TRMO: variants seen among roughly 807,000 people sequenced by gnomAD.
TRMO encodes tRNA methyltransferase O.
TRMO carries 30 observed loss-of-function variants against 37.2 expected under a neutral mutation model. That is an observed-to-expected ratio of 0.81 (90% CI 0.60 to 1.09). The LOEUF (loss-of-function observed/expected upper bound fraction) is 1.09. Among genes scored for constraint, TRMO ranks in the 50% least tolerant of loss-of-function variants. The pLI is 0.00. For synonymous variants in TRMO, 239 were observed against 199.4 expected, an observed-to-expected ratio of 1.20 and a Z score of -1.67; for missense variants, 552 against 549.5, an observed-to-expected ratio of 1.00 and a Z score of -0.05.
intron 1 of TRMO, among the ~76,000 whole-genome samples, chr9:97,917,845 A>ATTTT (rs112794003): frequency 5.2e-5 from 7 of 134,288 alleles, no homozygotes; most frequent in African/African-American, 1.9e-4. Context: ...TGCCCATCTA[A>ATTTT]TTTTTTTTTT....
chr9:97,915,811 TAAA>T, intron 2 of TRMO: 1 of 163,340 alleles, frequency 6.1e-6, no homozygotes, highest in Non-Finnish European at 1.3e-5. Context: ...TAAAAAAAAA[TAAA>T]AAAGCCATGC....
chr9:97,908,763 A>G (rs2131520831), intron 4 of TRMO, among the ~76,000 whole-genome samples: 1 of 152,332 alleles, frequency 6.6e-6, no homozygotes, highest in East Asian at 1.9e-4. Context: ...AAGCTCCATG[A>G]CAGCAGGGGT....
At chr9:97,902,705 ATTG>A (rs1241592927), downstream of TRMO, among the ~76,000 whole-genome samples, 1 of 152,246 alleles carries the variant, frequency 6.6e-6, no homozygotes, top group African/African-American at 2.4e-5. Context: ...CCCCAGAGTC[ATTG>A]TTAACATATT....
intron 4 of TRMO, among the ~76,000 whole-genome samples, chr9:97,905,197 G>C (rs1203349685): frequency 1.3e-5 from 2 of 152,054 alleles, no homozygotes; most frequent in Non-Finnish European, 2.9e-5. Context: ...CCAAATTTTT[G>C]TTTTACTGGA....
chr9:97,921,827 G>A (rs995767214), intron 1 of TRMO, among the ~76,000 whole-genome samples: 3 of 152,104 alleles, frequency 2.0e-5, no homozygotes, highest in Non-Finnish European at 4.4e-5. Context: ...AAGTGTGTAT[G>A]CAAAGAAACA....
intron 1 of TRMO, among the ~76,000 whole-genome samples, chr9:97,920,961 TTCCA>T (rs960978060): frequency 2.0e-4 from 30 of 152,360 alleles, no homozygotes; most frequent in African/African-American, 6.7e-4. Flanking sequence ...CACCTCCCTG[TTCCA>T]TCCAACACTT....
At chr9:97,922,143 A>G (rs918701409) in intron 1 of TRMO, among the ~76,000 whole-genome samples, 6 of 152,164 alleles carry the variant, frequency 3.9e-5, no homozygotes, top group African/African-American at 1.4e-4. Context: ...CTAAGAGAAA[A>G]GCCCCTACGC....
In TRMO at chr9:97,904,946, T is replaced by C. The variant is rs1215684320; in HGVS notation, c.1113A>G (p.Ala371=). Residue 371 remains alanine (A), a synonymous_variant, in exon 5 of 5, where the codon GCA becomes GCG. Coordinates refer to ENST00000375119, the MANE Select transcript of TRMO (RefSeq NM_016481.5). ...ACAGCACAGCCTCAATGGCACGCTT[T>C]GCTTCCTCTGCTGACTGAAAATATT... The part of the protein sequence containing the change: ...SFKYFQSAEE[A]KRAIEAVLSA... The C allele has an allele frequency of 1.2e-6, 2 of 1,614,172 alleles. No homozygotes were observed. The highest frequency in any genetic ancestry group is 2.2e-5 in the South Asian group (2 of 91,088).
chr9:97,912,966 T>A (rs1826190319), intron 3 of TRMO: 1 of 1,300,680 alleles, frequency 7.7e-7, no homozygotes, highest in African/African-American at 1.5e-5. Context: ...ATCTGTCCAT[T>A]TCCCCAAGGC....
At chr9:97,898,893 G>T in the TRMO span, among the ~76,000 whole-genome samples, 1 of 141,424 alleles carries the variant, frequency 7.1e-6, no homozygotes, top group Admixed American at 7.3e-5. Flanking sequence ...AGGCTGGAGT[G>T]CAGTGGTGCC....
chr9:97,914,418 A>C (rs1826260535), intron 2 of TRMO, among the ~76,000 whole-genome samples: 5 of 152,190 alleles, frequency 3.3e-5, no homozygotes, highest in Admixed American at 3.3e-4. Flanking sequence ...GTGTAAGAAA[A>C]AGGTCATTTG....
intron 4 of TRMO, among the ~76,000 whole-genome samples, chr9:97,907,549 AAG>A (rs1466936006): frequency 3.3e-5 from 5 of 152,076 alleles, no homozygotes; most frequent in African/African-American, 1.2e-4. Flanking sequence ...TATAGAATGA[AAG>A]TCTTCATTGT....
intron 1 of TRMO, among the ~76,000 whole-genome samples, chr9:97,921,094 A>G (rs532136444): frequency 6.6e-6 from 1 of 152,374 alleles, no homozygotes; most frequent in South Asian, 2.1e-4. Flanking sequence ...TTTTTTAAAT[A>G]AGCACATTTG....
chr9:97,899,070 C>T, the TRMO span, among the ~76,000 whole-genome samples: 1 of 151,882 alleles, frequency 6.6e-6, no homozygotes, highest in Admixed American at 6.6e-5. Context: ...GATCTCCCGA[C>T]CTCGTGATCC....
At position 97,916,224 on chromosome 9, in the gene TRMO, T is replaced by C. The variant is rs762310196; in HGVS notation, c.191A>G (p.Lys64Arg). 10 of 1,613,644 alleles carry C rather than the reference T, an allele frequency of 6.2e-6. No homozygotes were observed. Among genetic ancestry groups the C allele is most frequent in the East Asian group, 2.2e-5 (1 of 44,892 alleles). ...ATGTTCAGGATTATTAAAGATCCTCTTTCTAATCCTCAAACAGGCTCGAGA... is the reference window on the plus strand; with the variant it reads ...ATGTTCAGGATTATTAAAGATCCTCCTTCTAATCCTCAAACAGGCTCGAGA... ...SYSRACLRIR[K>R]RIFNNPEHSL... The change falls in exon 2 of 5, where the codon AAG becomes AGG. Residue 64 changes from lysine (K) to arginine (R), a missense_variant. By Grantham distance (26) the Lys-to-Arg change is conservative. Coordinates refer to ENST00000375119, the MANE Select transcript of TRMO (RefSeq NM_016481.5).
At chr9:97,918,110 G>A (rs1220884674) in intron 1 of TRMO, among the ~76,000 whole-genome samples, 4 of 151,444 alleles carry the variant, frequency 2.6e-5, no homozygotes, top group Admixed American at 2.6e-4. Flanking sequence ...GCCAGGCGCG[G>A]TGGCTCACGC....
At chr9:97,899,186 A>C in the TRMO span, among the ~76,000 whole-genome samples, 1 of 151,932 alleles carries the variant, frequency 6.6e-6, no homozygotes, top group Non-Finnish European at 1.5e-5. Context: ...TACCAGGGCT[A>C]GGATTAGGAA....
intron 4 of TRMO, among the ~76,000 whole-genome samples, chr9:97,905,317 C>T (rs1561961): frequency 0.71 from 108,094 of 152,122 alleles, 39,412 homozygotes; most frequent in East Asian, 0.92. Context: ...CTTTTCTATA[C>T]TCAATGTAGA....
chr9:97,909,807 T>C (rs1166170137), intron 4 of TRMO, among the ~76,000 whole-genome samples, 153 bp downstream of exon 4: 1 of 152,210 alleles, frequency 6.6e-6, no homozygotes, highest in Non-Finnish European at 1.5e-5. Context: ...AGTCATCACA[T>C]GATGGTACTG....
Sources: gnomAD v4.1 joint callset for allele counts (sites outside exome capture counted in the v4.1 genomes callset) on GRCh38, gnomAD v4.1.1 for gene constraint, MANE v1.5 for transcripts, NCBI Gene and HGNC (gene_info 2026-07-23, HGNC 2026-07-21) for gene names.